Variants in ZNF704 observed in about 807,000 individuals in gnomAD.
The protein encoded by ZNF704 is glucocorticoid induced gene 1.
Under a neutral mutation model 44.7 loss-of-function variants are expected in ZNF704, and 10 were observed. That is an observed-to-expected ratio of 0.22 (90% confidence interval 0.14 to 0.38). The LOEUF is 0.38. Ranked by LOEUF, ZNF704 falls within the 10% of genes least tolerant of loss-of-function variation. The pLI, the probability that ZNF704 is intolerant of heterozygous loss-of-function variation, is 1.00. For missense variants in ZNF704, 390 were observed against 545.5 expected, an observed-to-expected ratio of 0.71 and a Z score of 2.84; for synonymous variants, 211 against 207.6, an observed-to-expected ratio of 1.02 and a Z score of -0.14.
At chr8:80,807,540 A>C (rs1418810251) in intron 2 of ZNF704, among the ~76,000 whole-genome samples, 18 of 150,752 alleles carry the variant, frequency 1.2e-4, no homozygotes, top group Middle Eastern at 3.4e-3. Context: ...GACCCCCCCC[A>C]AAAAAAAGTT....
chr8:80,651,194 A>C (rs377164666), intron 7 of ZNF704, among the ~76,000 whole-genome samples: 1 of 152,356 alleles, frequency 6.6e-6, no homozygotes, highest in Admixed American at 6.5e-5. Context: ...AACAACTGGT[A>C]CCAGCCACTG....
At chr8:80,683,289 T>C (rs546601799) in intron 4 of ZNF704, among the ~76,000 whole-genome samples, 49 of 152,320 alleles carry the variant, frequency 3.2e-4, no homozygotes, top group Admixed American at 1.0e-3. Flanking sequence ...AGAGCTAGGA[T>C]AGAGAAGCCT....
upstream of ZNF704, among the ~76,000 whole-genome samples, chr8:80,875,714 G>A (rs1172148131): frequency 6.6e-6 from 1 of 152,232 alleles, no homozygotes; most frequent in Non-Finnish European, 1.5e-5. Context: ...CGTGGGGCCA[G>A]AATAAAAGGT....
At chr8:80,859,739 C>A (rs375458707) in intron 1 of ZNF704, among the ~76,000 whole-genome samples, 1 of 152,156 alleles carries the variant, frequency 6.6e-6, no homozygotes, top group East Asian at 1.9e-4. Flanking sequence ...GACAAGCAGA[C>A]TTTCACTCCA....
chr8:80,674,192 C>A (rs566117745), intron 4 of ZNF704, among the ~76,000 whole-genome samples: 8 of 152,318 alleles, frequency 5.3e-5, no homozygotes, highest in African/African-American at 1.9e-4. Context: ...GGCCAGTGAT[C>A]TAAACACATG....
At position 80,856,780 on chromosome 8, in the gene ZNF704, T is replaced by C. The variant is rs544423102; in HGVS notation, c.-22+17791A>G. Among the ~76,000 whole-genome samples the C allele has an allele frequency of 2.0e-5, 3 of 152,320 alleles. No homozygotes were observed. In the East Asian group the frequency reaches 5.8e-4, roughly 29 times the overall value. On this transcript the variant is annotated intron_variant, in intron 1 of 8. Coordinates refer to ENST00000327835, the MANE Select transcript of ZNF704 (RefSeq NM_001033723.3). ...CTGTATAGTAAGTTCTGAAATCAAG[T>C]AGATTAAGTCTTCCAATTTTGGTCT... is the stretch of plus-strand genomic sequence containing the variant.
Position 80,634,320 on chromosome 8 carries a change from A to C in ZNF704, c.*7046T>G, listed in dbSNP as rs985812652. ...TGGATAACTCAGCGTATCTATATTC[A>C]AGTCTGCCATGAGAATGATATCTGG... On this transcript the variant is annotated 3_prime_UTR_variant, in exon 9 of 9. Coordinates refer to ENST00000327835, the MANE Select transcript of ZNF704 (RefSeq NM_001033723.3). 3 of 152,234 alleles carry C rather than the reference A, an allele frequency of 2.0e-5. No homozygotes were observed. The highest frequency in any genetic ancestry group is 4.8e-5 in the African/African-American group (2 of 41,438). 9.4% of individuals were successfully genotyped at this position (152,234 alleles called of 1,614,324 possible).
chr8:80,844,775 G>A (rs1808740842), intron 1 of ZNF704, among the ~76,000 whole-genome samples: 3 of 151,868 alleles, frequency 2.0e-5, no homozygotes, highest in Admixed American at 6.6e-5. Context: ...ACAATCAAAA[G>A]TTATAGTTTA....
chr8:80,692,580 G>A (rs576689327), intron 3 of ZNF704, among the ~76,000 whole-genome samples: 1 of 152,150 alleles, frequency 6.6e-6, no homozygotes, highest in Non-Finnish European at 1.5e-5. Flanking sequence ...AATTCTATTT[G>A]ATTAAGGAGT....
At chr8:80,738,127 A>C (rs556153000) in intron 2 of ZNF704, among the ~76,000 whole-genome samples, 1 of 152,230 alleles carries the variant, frequency 6.6e-6, no homozygotes, top group Non-Finnish European at 1.5e-5. Flanking sequence ...GATTACCACA[A>C]AGATGAAGTG....
intron 2 of ZNF704, among the ~76,000 whole-genome samples, chr8:80,724,052 CAA>C (rs1806428270): frequency 6.6e-6 from 1 of 152,150 alleles, no homozygotes; most frequent in Admixed American, 6.5e-5. Context: ...GTAATGTATA[CAA>C]AAATGGTGTT....
At chr8:80,806,245 C>T (rs548945177) in intron 2 of ZNF704, among the ~76,000 whole-genome samples, 67 of 152,224 alleles carry the variant, frequency 4.4e-4, no homozygotes, top group Middle Eastern at 3.4e-3. Flanking sequence ...TTTTAAAAAA[C>T]CAATTTTCCC....
At chr8:80,726,112 C>G (rs1585983078) in intron 2 of ZNF704, among the ~76,000 whole-genome samples, 1 of 151,922 alleles carries the variant, frequency 6.6e-6, no homozygotes, top group Non-Finnish European at 1.5e-5. Context: ...GGCCATCTGA[C>G]TTACAGATAT....
At chr8:80,680,132 A>T (rs74876806) in intron 4 of ZNF704, among the ~76,000 whole-genome samples, 2,614 of 152,280 alleles carry the variant, frequency 0.017, 75 homozygotes, top group African/African-American at 0.059. Context: ...AGTGATACTT[A>T]GGATTGATAT....
chr8:80,694,999 C>CA (rs61301958), intron 2 of ZNF704, among the ~76,000 whole-genome samples: 14 of 151,496 alleles, frequency 9.2e-5, no homozygotes, highest in East Asian at 7.7e-4. Flanking sequence ...CACTTAGAGG[C>CA]AAAAAAAACT....
chr8:80,645,588 T>C (rs1307755407), intron 7 of ZNF704, among the ~76,000 whole-genome samples: 1 of 152,042 alleles, frequency 6.6e-6, no homozygotes, highest in African/African-American at 2.4e-5. Flanking sequence ...CTCTCACTCT[T>C]GAGTTTACAT....
chr8:80,763,385 C>T (rs1807163940), intron 2 of ZNF704, among the ~76,000 whole-genome samples: 1 of 152,236 alleles, frequency 6.6e-6, no homozygotes, highest in South Asian at 2.1e-4. Context: ...AACCTCAATT[C>T]TTGACTTCTG....
At chr8:80,839,274 A>G (rs1030314169) in intron 1 of ZNF704, among the ~76,000 whole-genome samples, 2 of 152,242 alleles carry the variant, frequency 1.3e-5, no homozygotes, top group African/African-American at 2.4e-5. Context: ...GTTTCAGAGC[A>G]GATTAGAAGC....
At chr8:80,650,435 G>T (rs11785220) in intron 7 of ZNF704, among the ~76,000 whole-genome samples, 44,252 of 152,068 alleles carry the variant, frequency 0.29, 7,261 homozygotes, top group East Asian at 0.39. Flanking sequence ...TTAGACGAAT[G>T]GCTAACCAGA....
Sources: allele counts gnomAD v4.1 joint callset (sites outside exome capture counted in the v4.1 genomes callset), GRCh38; gene constraint gnomAD v4.1.1; transcripts MANE v1.5; gene names NCBI Gene and HGNC (gene_info 2026-07-23, HGNC 2026-07-21).